The following PLAC8 variants were observed in gnomAD, a reference collection of about 807,000 sequenced individuals.
PLAC8 encodes placenta-specific gene 8 protein.
In PLAC8, 6 loss-of-function variants were observed where a neutral mutation model predicts 12.6. The ratio of observed to expected loss-of-function variants is 0.48; its 90% confidence interval spans 0.26 to 0.94. The LOEUF (loss-of-function observed/expected upper bound fraction) is 0.94. Ranked by LOEUF, PLAC8 falls within the 40% of genes least tolerant of loss-of-function variation. The pLI is 0.14. For missense variants in PLAC8, 122 were observed against 152.7 expected (o/e 0.80, Z 1.06); for synonymous variants, 54 against 52.6 (o/e 1.03, Z -0.11).
intron 3 of PLAC8, among the ~76,000 whole-genome samples, chr4:83,101,454 T>C (rs1252988216): frequency 1.3e-5 from 2 of 152,150 alleles, no homozygotes; most frequent in Non-Finnish European, 2.9e-5. Flanking sequence ...GGTTGCTTCA[T>C]GAGGTTTAAG....
intron 3 of PLAC8, among the ~76,000 whole-genome samples, chr4:83,104,235 G>T (rs1732183040): frequency 6.6e-6 from 1 of 152,104 alleles, no homozygotes. Flanking sequence ...TATGTGCACT[G>T]GGAAACCAAA....
intron 2 of PLAC8, among the ~76,000 whole-genome samples, chr4:83,107,590 C>G (rs1278012221): frequency 2.0e-5 from 2 of 102,362 alleles, no homozygotes; most frequent in African/African-American, 7.4e-5. Context: ...CTTTGAAGGG[C>G]TGGAGAAAAT....
chr4:83,107,729 G>T (rs1410974098), intron 2 of PLAC8, 75 bp downstream of exon 2: 13 of 670,058 alleles, frequency 1.9e-5, no homozygotes, highest in Non-Finnish European at 3.1e-5. Flanking sequence ...CAATAAGGGA[G>T]GAATGGGGGA....
At chr4:83,102,550 CAG>C (rs1732127274) in intron 3 of PLAC8, among the ~76,000 whole-genome samples, 1 of 151,018 alleles carries the variant, frequency 6.6e-6, no homozygotes, top group Admixed American at 6.6e-5. Context: ...AAAAACAAAA[CAG>C]AAAAACATTC....
At chr4:83,097,406 T>C (rs2126140455) in intron 3 of PLAC8, among the ~76,000 whole-genome samples, 1 of 152,326 alleles carries the variant, frequency 6.6e-6, no homozygotes, top group Admixed American at 6.5e-5. Context: ...TAAGGACAGT[T>C]TTAAAGATTA....
chr4:83,091,738 G>A (rs1035927509), intron 4 of PLAC8, among the ~76,000 whole-genome samples: 9 of 152,144 alleles, frequency 5.9e-5, no homozygotes, highest in African/African-American at 2.2e-4. Context: ...AATATTTGGA[G>A]TTCCATATGG....
At chr4:83,097,560 GC>G (rs1731970876) in intron 3 of PLAC8, among the ~76,000 whole-genome samples, 1 of 152,054 alleles carries the variant, frequency 6.6e-6, no homozygotes, top group African/African-American at 2.4e-5. Flanking sequence ...AATATATAAG[GC>G]CTGGGGACAT....
At chr4:83,097,028 A>G (rs1731952243) in intron 3 of PLAC8, among the ~76,000 whole-genome samples, 1 of 152,224 alleles carries the variant, frequency 6.6e-6, no homozygotes, top group Non-Finnish European at 1.5e-5. Context: ...TGGAGAAACC[A>G]GTATAAAACG....
intron 1 of PLAC8, among the ~76,000 whole-genome samples, chr4:83,111,483 A>T (rs1043659925): frequency 3.9e-5 from 6 of 151,926 alleles, no homozygotes; most frequent in Non-Finnish European, 5.9e-5. Context: ...TCCAAAAAAA[A>T]AATAAAAAAA....
chr4:83,096,755 C>T (rs1365624445), intron 3 of PLAC8, among the ~76,000 whole-genome samples: 1 of 152,202 alleles, frequency 6.6e-6, no homozygotes, highest in Non-Finnish European at 1.5e-5. Flanking sequence ...ATTTTTCCTA[C>T]TTGATATATG....
intron 2 of PLAC8, among the ~76,000 whole-genome samples, chr4:83,107,306 T>TA (rs1458418344): frequency 2.0e-5 from 3 of 152,118 alleles, no homozygotes; most frequent in South Asian, 2.1e-4. Flanking sequence ...CTCAGGTGTG[T>TA]AAAAAACCTA....
intron 2 of PLAC8, among the ~76,000 whole-genome samples, chr4:83,107,226 A>C (rs1468036331): frequency 1.8e-4 from 27 of 148,592 alleles, no homozygotes; most frequent in African/African-American, 3.9e-4. Flanking sequence ...AAAAAAACAA[A>C]AAAAAAAACA....
intron 2 of PLAC8, among the ~76,000 whole-genome samples, chr4:83,107,540 A>G (rs567796082): frequency 7.5e-6 from 1 of 132,608 alleles, no homozygotes. Flanking sequence ...CTCTTTTGCT[A>G]TTATCTTAAC....
intron 2 of PLAC8, among the ~76,000 whole-genome samples, chr4:83,107,014 A>G (rs1390117633): frequency 6.6e-6 from 1 of 152,194 alleles, no homozygotes; most frequent in East Asian, 1.9e-4. Context: ...AGCCTGGCCA[A>G]CATGGTGAAA....
chr4:83,105,145 T>G (rs1236581239), intron 2 of PLAC8, 125 bp from the exon 3 acceptor site: 1 of 1,015,362 alleles, frequency 9.8e-7, no homozygotes, highest in African/African-American at 1.6e-5. Flanking sequence ...TGCTGCTAAG[T>G]CCATCTTCAA....
intron 1 of PLAC8, among the ~76,000 whole-genome samples, chr4:83,108,601 C>T (rs1164937841): frequency 6.6e-6 from 1 of 152,082 alleles, no homozygotes; most frequent in Non-Finnish European, 1.5e-5. Flanking sequence ...CTCAACAAAA[C>T]CCCCCAAAAC....
rs780066058 is a variant in PLAC8, at chr4:83,107,826, G to T, written c.96C>A (p.Asp32Glu). ...TACAGACTCCGCAGTCGCTGAAACA[G>T]TCACACATGCCTGTCTGCCAGTTGG... The part of the protein sequence containing the change: ...QNSNWQTGMC[D>E]CFSDCGVCLC... The change falls in exon 2 of 5, where the codon GAC becomes GAA. Residue 32 changes from aspartate to glutamate, a missense_variant. Coordinates refer to ENST00000311507, the MANE Select transcript of PLAC8 (RefSeq NM_016619.3). 1.2e-6 allele frequency: 2 copies of T among 1,607,844 alleles called. No individual in the cohort carries two copies. The highest frequency in any genetic ancestry group is 1.7e-6 in the Non-Finnish European group (2 of 1,176,298).
rs1731966465 is a variant in PLAC8, at chr4:83,097,392, G to T, written c.244-2601C>A. ...TTCACATGGCTTTAGTAATCTTTTG[G>T]AAATAAGGACAGTTTTAAAGATTAT... On this transcript the variant is annotated intron_variant, in intron 3 of 4. Coordinates refer to ENST00000311507, the MANE Select transcript of PLAC8 (RefSeq NM_016619.3). 5.9e-5 allele frequency among the ~76,000 whole-genome samples: 9 copies of T among 152,248 alleles called. No homozygotes were observed. The South Asian group carries it at 1.9e-3, about 32-fold the overall frequency.
Position 83,094,680 on chromosome 4 carries a change from T to A in PLAC8, c.*7A>T. On this transcript the variant is annotated splice_region_variant and 3_prime_UTR_variant, in exon 4 of 5. Coordinates refer to ENST00000311507, the MANE Select transcript of PLAC8 (RefSeq NM_016619.3). Reference sequence around the variant, plus strand: ...GAGGCATGTTTGCATTGACTCACCATCAGTTTTTAGAAAGTACGCATGGCT... The same window carrying A: ...GAGGCATGTTTGCATTGACTCACCAACAGTTTTTAGAAAGTACGCATGGCT... 1 of 1,537,830 alleles carries A rather than the reference T, an allele frequency of 6.5e-7. No homozygotes were observed. The highest frequency in any genetic ancestry group is 1.7e-5 in the Admixed American group (1 of 58,008).
Sources: gnomAD v4.1 joint callset for allele counts (sites outside exome capture counted in the v4.1 genomes callset) on GRCh38, gnomAD v4.1.1 for gene constraint, MANE v1.5 for transcripts, NCBI Gene and HGNC (gene_info 2026-07-23, HGNC 2026-07-21) for gene names.